The following TAFA1 variants were observed in gnomAD, a reference collection of about 807,000 sequenced individuals.
TAFA1 encodes TAFA chemokine like family member 1, also known as chemokine-like protein TAFA-1.
In TAFA1, 4 loss-of-function variants were observed where a neutral mutation model predicts 18.5. The ratio of observed to expected loss-of-function variants is 0.22; its 90% CI spans 0.11 to 0.49. TAFA1 has a LOEUF of 0.49. TAFA1 is among the 20% of genes least tolerant of loss of function. The pLI, the probability that TAFA1 is intolerant of heterozygous loss-of-function variation, is 0.98. For missense variants in TAFA1, 147 were observed against 169.0 expected (o/e 0.87, Z 0.72); for synonymous variants, 56 against 55.2 (o/e 1.01, Z -0.06).
At chr3:68,141,415 T>G (rs2065665685) in intron 2 of TAFA1, among the ~76,000 whole-genome samples, 1 of 152,122 alleles carries the variant, frequency 6.6e-6, no homozygotes, top group Non-Finnish European at 1.5e-5. Flanking sequence ...AGACAAACCC[T>G]TTATTAAGAG....
At chr3:68,491,016 T>A (rs910820811) in intron 3 of TAFA1, among the ~76,000 whole-genome samples, 1 of 151,932 alleles carries the variant, frequency 6.6e-6, no homozygotes, top group African/African-American at 2.4e-5. Flanking sequence ...GTTTTGTACT[T>A]TTTATAGAGA....
intron 4 of TAFA1, among the ~76,000 whole-genome samples, chr3:68,543,660 A>G (rs1362560245): frequency 6.6e-6 from 1 of 152,170 alleles, no homozygotes; most frequent in Admixed American, 6.6e-5. Context: ...GTAAAGAAGT[A>G]AGAGATAATA....
At chr3:68,474,262 C>A (rs1313829881) in intron 3 of TAFA1, among the ~76,000 whole-genome samples, 1 of 152,056 alleles carries the variant, frequency 6.6e-6, no homozygotes, top group East Asian at 1.9e-4. Flanking sequence ...GTTTCCAGAG[C>A]CTTTATTTTC....
At chr3:68,537,488 C>T (rs768793289) in intron 3 of TAFA1, among the ~76,000 whole-genome samples, 7 of 152,120 alleles carry the variant, frequency 4.6e-5, no homozygotes, top group Non-Finnish European at 7.4e-5. Context: ...TGGCTAGCAA[C>T]GTTGGTCTCA....
At position 68,321,719 on chromosome 3, in the gene TAFA1, C is replaced by T. The variant is rs1174961417; in HGVS notation, c.119-95561C>T. The stretch of plus-strand genomic sequence containing the variant: ...TCCCTACCTTCATCCATCCCCATCA[C>T]CTCCTCCCACCTTGCTTTCTAAGTT... On this transcript the variant is annotated intron_variant, in intron 2 of 4. Transcript: ENST00000478136. Among the ~76,000 whole-genome samples the T allele has an allele frequency of 2.0e-5, 3 of 152,124 alleles. No homozygotes were observed. In the East Asian group the frequency reaches 5.8e-4, roughly 29 times the overall value.
intron 3 of TAFA1, among the ~76,000 whole-genome samples, chr3:68,446,035 G>A (rs751436905): frequency 2.3e-4 from 35 of 152,138 alleles, no homozygotes; most frequent in South Asian, 6.2e-4. Context: ...CAAAGTAGCT[G>A]GGACCACAGA....
At chr3:68,284,082 G>A (rs1198486442) in intron 2 of TAFA1, among the ~76,000 whole-genome samples, 8 of 151,794 alleles carry the variant, frequency 5.3e-5, no homozygotes, top group Admixed American at 5.3e-4. Context: ...TACCCACCTT[G>A]GCCAAGTTAT....
At chr3:68,286,760 T>A (rs56206288) in intron 2 of TAFA1, among the ~76,000 whole-genome samples, 1,715 of 152,114 alleles carry the variant, frequency 0.011, 29 homozygotes, top group African/African-American at 0.039. Context: ...GTTGTAGTAA[T>A]AGAGAATAAT....
At chr3:68,339,919 C>T (rs1284043608) in intron 2 of TAFA1, among the ~76,000 whole-genome samples, 1 of 149,128 alleles carries the variant, frequency 6.7e-6, no homozygotes, top group Non-Finnish European at 1.5e-5. Context: ...ACAATCAGCT[C>T]ACAAAATGCA....
At chr3:68,463,966 A>G (rs2071834144) in intron 3 of TAFA1, among the ~76,000 whole-genome samples, 1 of 152,214 alleles carries the variant, frequency 6.6e-6, no homozygotes, top group Non-Finnish European at 1.5e-5. Flanking sequence ...AAATGAATGG[A>G]TAACTTTTTA....
intron 2 of TAFA1, among the ~76,000 whole-genome samples, chr3:68,306,581 T>C (rs1002525851): frequency 6.6e-6 from 1 of 152,212 alleles, no homozygotes; most frequent in Non-Finnish European, 1.5e-5. Context: ...TTTGGTCTTA[T>C]ACAAATTTGT....
At chr3:68,194,144 C>A (rs1441347707) in intron 2 of TAFA1, among the ~76,000 whole-genome samples, 1 of 151,650 alleles carries the variant, frequency 6.6e-6, no homozygotes, top group Non-Finnish European at 1.5e-5. Flanking sequence ...GGAACACAGT[C>A]ATTTCTGCCC....
At chr3:68,359,838 C>T (rs765526231) in intron 2 of TAFA1, among the ~76,000 whole-genome samples, 14 of 151,882 alleles carry the variant, frequency 9.2e-5, no homozygotes, top group Admixed American at 1.3e-4. Context: ...TTCCATTAGA[C>T]GAACCACTTT....
At chr3:68,276,832 AAT>A (rs1575739718) in intron 2 of TAFA1, among the ~76,000 whole-genome samples, 1 of 152,140 alleles carries the variant, frequency 6.6e-6, no homozygotes, top group Non-Finnish European at 1.5e-5. Context: ...TTTGATATGC[AAT>A]ATGTTAAAAT....
At chr3:68,011,295 G>A (rs1294292336) in intron 2 of TAFA1, among the ~76,000 whole-genome samples, 1 of 151,974 alleles carries the variant, frequency 6.6e-6, no homozygotes, top group African/African-American at 2.4e-5. Flanking sequence ...TTATTCCTGA[G>A]TCACTGCTAT....
chr3:68,090,887 T>A (rs1184186199), intron 2 of TAFA1, among the ~76,000 whole-genome samples: 3 of 152,302 alleles, frequency 2.0e-5, no homozygotes, highest in Non-Finnish European at 4.4e-5. Context: ...AAATCTGTTA[T>A]CTTCAGAAAG....
chr3:68,098,549 A>C lies in TAFA1; in HGVS notation c.118+91805A>C, dbSNP rs150982209. Among the ~76,000 whole-genome samples, 416 of 152,246 alleles carry C rather than the reference A, an allele frequency of 2.7e-3. 3 individuals are homozygous for C. The highest frequency in any genetic ancestry group is 9.6e-3 in the African/African-American group (399 of 41,556). On this transcript the variant is annotated intron_variant, in intron 2 of 4. Transcript: ENST00000478136. The stretch of plus-strand genomic sequence containing the variant: ...AGTGGCCTCTGGTGATATGCAATGC[A>C]TTGTGCCAGTCAAATGATGAGATAT...
At chr3:68,173,665 A>G (rs754521333) in intron 2 of TAFA1, among the ~76,000 whole-genome samples, 8 of 152,242 alleles carry the variant, frequency 5.3e-5, no homozygotes, top group South Asian at 2.1e-4. Flanking sequence ...ACAAGTCTTC[A>G]CTCTCATATT....
intron 2 of TAFA1, among the ~76,000 whole-genome samples, chr3:68,218,326 T>C (rs2066685860): frequency 6.6e-6 from 1 of 152,138 alleles, no homozygotes; most frequent in South Asian, 2.1e-4. Context: ...GATGTAATGA[T>C]GTACTTAGAA....
Sources: allele counts gnomAD v4.1 joint callset (sites outside exome capture counted in the v4.1 genomes callset), GRCh38; gene constraint gnomAD v4.1.1; transcripts MANE v1.5; gene names NCBI Gene and HGNC (gene_info 2026-07-23, HGNC 2026-07-21).